ULK4: variants seen among roughly 807,000 people sequenced by gnomAD.
ULK4 encodes inactive serine/threonine-protein kinase ULK4.
Under a neutral mutation model 160.6 loss-of-function variants are expected in ULK4, and 133 were observed. The ratio of observed to expected loss-of-function variants is 0.83; its 90% CI spans 0.72 to 0.96. The LOEUF is 0.96. ULK4 is among the 40% of genes least tolerant of loss of function. The pLI is 0.00. For missense variants in ULK4, 1,580 were observed against 1,499.5 expected (o/e 1.05, Z -0.89); for synonymous variants, 534 against 539.8 (o/e 0.99, Z 0.15).
At chr3:41,772,542 G>C (rs978608246) in intron 21 of ULK4, among the ~76,000 whole-genome samples, 6 of 152,122 alleles carry the variant, frequency 3.9e-5, no homozygotes, top group Admixed American at 2.6e-4. Context: ...TCTCTGAATA[G>C]ACCAATAACA....
Position 41,247,449 on chromosome 3 carries a change from G to A in ULK4, c.3765-457C>T, listed in dbSNP as rs185151348. ...GGATGTGCAATTAAGAGCTTAAAACGGGAACTTTTTTACTGGAGCAAATTG... is the reference window on the plus strand; with the variant it reads ...GGATGTGCAATTAAGAGCTTAAAACAGGAACTTTTTTACTGGAGCAAATTG... On this transcript the variant is annotated intron_variant, in intron 36 of 36. Coordinates refer to ENST00000301831, the MANE Select transcript of ULK4 (RefSeq NM_017886.4). Among the ~76,000 whole-genome samples the A allele has an allele frequency of 2.9e-3, 447 of 152,262 alleles. 4 individuals carry two copies. Among genetic ancestry groups the A allele is most frequent in the Middle Eastern group, 0.014 (4 of 294 alleles).
intron 35 of ULK4, among the ~76,000 whole-genome samples, chr3:41,361,314 T>G (rs1458978316): frequency 1.3e-5 from 2 of 152,114 alleles, no homozygotes; most frequent in Non-Finnish European, 2.9e-5. Context: ...AAATAGGAAA[T>G]GGCAAAGTTA....
At chr3:41,566,517 A>G (rs2087789138) in intron 31 of ULK4, among the ~76,000 whole-genome samples, 1 of 152,230 alleles carries the variant, frequency 6.6e-6, no homozygotes, top group Admixed American at 6.5e-5. Flanking sequence ...CAGTTTCAAT[A>G]TTATGCTGGT....
chr3:41,763,055 G>A (rs1465921749), intron 21 of ULK4, among the ~76,000 whole-genome samples: 7 of 151,880 alleles, frequency 4.6e-5, no homozygotes, highest in Non-Finnish European at 8.8e-5. Context: ...TGATCCAATC[G>A]CCTCCCACCA....
intron 35 of ULK4, among the ~76,000 whole-genome samples, chr3:41,311,036 G>T (rs187889695): frequency 6.9e-4 from 105 of 151,594 alleles, no homozygotes; most frequent in African/African-American, 2.4e-3. Flanking sequence ...AAGGAAAGAA[G>T]GAAGGAAGGG....
At chr3:41,444,100 C>T (rs2083236357) in intron 34 of ULK4, among the ~76,000 whole-genome samples, 2 of 152,094 alleles carry the variant, frequency 1.3e-5, no homozygotes, top group Admixed American at 6.6e-5. Flanking sequence ...CATAAATAAT[C>T]ATAAGGCTTT....
intron 32 of ULK4, among the ~76,000 whole-genome samples, chr3:41,511,661 CA>C (rs113817490): frequency 0.054 from 8,211 of 151,374 alleles, 703 homozygotes; most frequent in African/African-American, 0.19. Flanking sequence ...TTGCCAACAA[CA>C]AAAAAAAGTC....
At chr3:41,730,182 G>A (rs577039626) in intron 22 of ULK4, among the ~76,000 whole-genome samples, 56 of 152,028 alleles carry the variant, frequency 3.7e-4, no homozygotes, top group African/African-American at 1.3e-3. Context: ...ATAAATGCCC[G>A]CATCAAAAAA....
At chr3:41,954,176 TAAAAAA>T (rs11325222) in intron 2 of ULK4, among the ~76,000 whole-genome samples, 72 of 118,666 alleles carry the variant, frequency 6.1e-4, no homozygotes, top group Middle Eastern at 4.4e-3. Context: ...GACTCCGTCT[TAAAAAA>T]AAAAAAAAAA....
At chr3:41,525,175 T>C (rs2086070367) in intron 32 of ULK4, among the ~76,000 whole-genome samples, 1 of 152,168 alleles carries the variant, frequency 6.6e-6, no homozygotes, top group Admixed American at 6.5e-5. Flanking sequence ...ATGAAAGATA[T>C]GTGAGAGGCA....
At chr3:41,324,899 G>C (rs920803097) in intron 35 of ULK4, among the ~76,000 whole-genome samples, 8 of 152,086 alleles carry the variant, frequency 5.3e-5, no homozygotes, top group Non-Finnish European at 1.0e-4. Context: ...TTTCACTCTT[G>C]AGTGGAGGAA....
At chr3:41,907,375 C>T (rs922870553) in intron 12 of ULK4, among the ~76,000 whole-genome samples, 8 of 151,994 alleles carry the variant, frequency 5.3e-5, no homozygotes, top group Non-Finnish European at 7.4e-5. Flanking sequence ...TTGCTCACTG[C>T]AGCCTCAAAC....
chr3:41,455,674 G>T, intron 33 of ULK4, 79 bp from the exon 34 acceptor site: 1 of 1,312,752 alleles, frequency 7.6e-7, no homozygotes, highest in Non-Finnish European at 1.1e-6. Flanking sequence ...CCACTCCATC[G>T]GGCAGACACA....
intron 16 of ULK4, among the ~76,000 whole-genome samples, chr3:41,894,791 C>T (rs1308114538): frequency 6.6e-6 from 1 of 152,172 alleles, no homozygotes; most frequent in Non-Finnish European, 1.5e-5. Context: ...TATGCCATTT[C>T]CTTGTCCCAC....
intron 35 of ULK4, among the ~76,000 whole-genome samples, chr3:41,254,276 T>C (rs11129896): frequency 0.34 from 51,417 of 152,062 alleles, 10,273 homozygotes; most frequent in Non-Finnish European, 0.44. Context: ...TTTAAAAAAA[T>C]TGAAACCATA....
intron 7 of ULK4, among the ~76,000 whole-genome samples, 194 bp from the exon 8 acceptor site, chr3:41,916,246 G>A (rs1045421188): frequency 1.8e-4 from 27 of 152,062 alleles, no homozygotes; most frequent in Non-Finnish European, 5.9e-5. Flanking sequence ...AGAACACAAA[G>A]ATTAAAAACA....
intron 34 of ULK4, among the ~76,000 whole-genome samples, chr3:41,442,392 T>G (rs940628920): frequency 1.3e-5 from 2 of 152,160 alleles, no homozygotes; most frequent in Admixed American, 6.6e-5. Context: ...AGAAATCACA[T>G]GTAGTTCTAC....
At chr3:41,753,645 C>A (rs1052225689) in intron 22 of ULK4, among the ~76,000 whole-genome samples, 2 of 152,188 alleles carry the variant, frequency 1.3e-5, no homozygotes, top group Non-Finnish European at 2.9e-5. Context: ...TCCTTCTGAG[C>A]CTTCAGCTAC....
chr3:41,961,550 ACCCCCCCC>A (rs201424516), intron 1 of ULK4, among the ~76,000 whole-genome samples: 6 of 124,718 alleles, frequency 4.8e-5, no homozygotes, highest in African/African-American at 8.5e-5. Flanking sequence ...GTAGTCACTC[ACCCCCCCC>A]CCCCCCCCCC....
Sources: gnomAD v4.1 joint callset for allele counts (sites outside exome capture counted in the v4.1 genomes callset) on GRCh38, gnomAD v4.1.1 for gene constraint, MANE v1.5 for transcripts, NCBI Gene and HGNC (gene_info 2026-07-23, HGNC 2026-07-21) for gene names.